The following DIPK1A variants were observed in gnomAD, a reference collection of about 807,000 sequenced individuals.
DIPK1A encodes the protein family with sequence similarity 69 member A.
Under a neutral mutation model 40.8 loss-of-function variants are expected in DIPK1A, and 27 were observed. The observed-to-expected ratio is 0.66, with a 90% CI of 0.49 to 0.91. DIPK1A has a LOEUF of 0.91. Among genes scored for constraint, DIPK1A ranks in the 40% least tolerant of loss-of-function variants. DIPK1A has a pLI of 0.00. For missense variants in DIPK1A, 412 were observed against 505.7 expected, an observed-to-expected ratio of 0.81 and a Z score of 1.78; for synonymous variants, 166 against 171.3, an observed-to-expected ratio of 0.97 and a Z score of 0.24.
At chr1:92,893,493 C>T (rs1390146511) in intron 1 of DIPK1A, among the ~76,000 whole-genome samples, 12 of 151,978 alleles carry the variant, frequency 7.9e-5, no homozygotes, top group African/African-American at 2.7e-4. Flanking sequence ...AAAAGAGCTC[C>T]TGAAGGAAGC....
At chr1:92,923,522 T>C (rs1037472216) in intron 1 of DIPK1A, among the ~76,000 whole-genome samples, 1 of 152,226 alleles carries the variant, frequency 6.6e-6, no homozygotes, top group African/African-American at 2.4e-5. Flanking sequence ...CAAAATTTCT[T>C]ACATTTCTAT....
At chr1:92,846,472 TAA>T in intron 4 of DIPK1A, 1 of 315,306 alleles carries the variant, frequency 3.2e-6, no homozygotes, top group South Asian at 2.4e-5. Flanking sequence ...GCCACAATTC[TAA>T]GAGTATACTC....
intron 2 of DIPK1A, among the ~76,000 whole-genome samples, chr1:92,867,132 C>T (rs1647583670): frequency 6.6e-6 from 1 of 151,828 alleles, no homozygotes; most frequent in African/African-American, 2.4e-5. Flanking sequence ...TCTCCATTTA[C>T]AAAGCCTAAA....
intron 1 of DIPK1A, among the ~76,000 whole-genome samples, chr1:92,942,663 T>C (rs1270040906): frequency 6.6e-6 from 1 of 151,958 alleles, no homozygotes; most frequent in Non-Finnish European, 1.5e-5. Context: ...AGGTTTTTTA[T>C]TTTTATTTAT....
chr1:92,889,790 G>C (rs1227062597), intron 1 of DIPK1A, among the ~76,000 whole-genome samples: 1 of 152,034 alleles, frequency 6.6e-6, no homozygotes, highest in African/African-American at 2.4e-5. Flanking sequence ...TGAGACTACA[G>C]ACATGTTCCA....
chr1:92,955,242 T>C (rs1043801357), intron 1 of DIPK1A, among the ~76,000 whole-genome samples: 2 of 152,204 alleles, frequency 1.3e-5, no homozygotes, highest in Non-Finnish European at 2.9e-5. Context: ...AACTACACTC[T>C]ATACAATAAT....
At chr1:92,844,897 T>C (rs1687523139) in intron 4 of DIPK1A, among the ~76,000 whole-genome samples, 1 of 151,430 alleles carries the variant, frequency 6.6e-6, no homozygotes, top group South Asian at 2.1e-4. Context: ...AACTTTTTTC[T>C]AAAACTTTGT....
chr1:92,908,034 T>C (rs1001497336), intron 1 of DIPK1A, among the ~76,000 whole-genome samples: 10 of 152,086 alleles, frequency 6.6e-5, no homozygotes, highest in Admixed American at 2.0e-4. Flanking sequence ...GTTTCTGGCT[T>C]GAGTAACTAG....
chr1:92,950,327 A>C (rs1358987092), intron 1 of DIPK1A, among the ~76,000 whole-genome samples: 1 of 152,196 alleles, frequency 6.6e-6, no homozygotes, highest in African/African-American at 2.4e-5. Flanking sequence ...CAAATGGTGC[A>C]CAAGGTGGTA....
chr1:92,841,435 A>G (rs1369557574), downstream of DIPK1A, among the ~76,000 whole-genome samples: 3 of 152,212 alleles, frequency 2.0e-5, no homozygotes, highest in African/African-American at 7.2e-5. Context: ...CTATTAATAT[A>G]TAGTGCTGCA....
rs1414923655 is a variant in DIPK1A at position 92,842,805 on chromosome 1, G to T, written c.*578C>A. On this transcript the variant is annotated 3_prime_UTR_variant, in exon 5 of 5. Coordinates refer to ENST00000370310, the MANE Select transcript of DIPK1A (RefSeq NM_001006605.5). ...TAAGATTTCTTGAAGTAAGCCACTT[G>T]AACCATTGTGAAGCTACACATAACT... The T allele has an allele frequency of 2.0e-6, 2 of 985,324 alleles. No homozygotes were observed. Among genetic ancestry groups the T allele is most frequent in the African/African-American group, 1.7e-5 (1 of 57,234 alleles). 61.0% of individuals were successfully genotyped at this position (985,324 alleles called of 1,614,324 possible).
At chr1:92,908,344 T>G (rs1557480096) in intron 1 of DIPK1A, among the ~76,000 whole-genome samples, 1 of 151,366 alleles carries the variant, frequency 6.6e-6, no homozygotes, top group African/African-American at 2.4e-5. Context: ...AATGGTTGGG[T>G]AAAAAAAAGA....
rs148268829 is a variant in DIPK1A, at chr1:92,943,962, A to G, written c.54+17414T>C. ...CTGAAAGGAATGAAGACAATTACAG[A>G]GCATAAGAAAACATTAAAAAATAAA... On this transcript the variant is annotated intron_variant, in intron 1 of 4. Transcript: ENST00000370310. 2.0e-3 allele frequency among the ~76,000 whole-genome samples: 309 copies of G among 152,358 alleles called. 3 individuals carry two copies. Among genetic ancestry groups the G allele is most frequent in the Middle Eastern group, 6.8e-3 (2 of 294 alleles).
intron 4 of DIPK1A, chr1:92,836,849 G>A (rs541292889): frequency 4.4e-5 from 9 of 204,374 alleles, no homozygotes; most frequent in African/African-American, 1.9e-4. Flanking sequence ...AGGCCATTTT[G>A]GGAAGTTAAG....
intron 4 of DIPK1A, among the ~76,000 whole-genome samples, chr1:92,846,883 ACACACACACG>A (rs1422675776): frequency 5.6e-5 from 1 of 17,964 alleles, no homozygotes; most frequent in East Asian, 8.8e-4. Context: ...ATATATATAT[ACACACACACG>A]TATATATATA....
downstream of DIPK1A, chr1:92,837,438 T>A: frequency 6.2e-7 from 1 of 1,603,770 alleles, no homozygotes; most frequent in Non-Finnish European, 8.5e-7. Context: ...TACTAAAATA[T>A]GAATAACTTT....
downstream of DIPK1A, chr1:92,837,735 GACA>G (rs1324506280): frequency 1.1e-6 from 1 of 903,484 alleles, no homozygotes; most frequent in African/African-American, 1.7e-5. Context: ...TGTGTTTCTT[GACA>G]ACATGAGCTA....
chr1:92,930,546 C>G (rs982116949), intron 1 of DIPK1A: 1 of 152,230 alleles, frequency 6.6e-6, no homozygotes, highest in African/African-American at 2.4e-5. Flanking sequence ...CCTTAGCCTT[C>G]AGGATATAGA....
intron 1 of DIPK1A, among the ~76,000 whole-genome samples, chr1:92,954,321 AATAAAAGAAATGG>A (rs1651755576): frequency 6.6e-6 from 1 of 151,398 alleles, no homozygotes; most frequent in Non-Finnish European, 1.5e-5. Flanking sequence ...TAAATAAATA[AATAAAAGAAATGG>A]ATATGTTAAA....
Sources: gnomAD v4.1 joint callset for allele counts (sites outside exome capture counted in the v4.1 genomes callset) on GRCh38, gnomAD v4.1.1 for gene constraint, MANE v1.5 for transcripts, NCBI Gene and HGNC (gene_info 2026-07-23, HGNC 2026-07-21) for gene names.